ADGRL2: variants seen among roughly 807,000 people sequenced by gnomAD.
ADGRL2 encodes the protein calcium-independent alpha-latrotoxin receptor 2.
A neutral mutation model predicts 157.4 loss-of-function variants in ADGRL2; 44 were observed. The ratio of observed to expected loss-of-function variants is 0.28; its 90% CI spans 0.22 to 0.36. ADGRL2 has a LOEUF of 0.36. Ranked by LOEUF, ADGRL2 falls within the 10% of genes least tolerant of loss-of-function variation. ADGRL2 has a pLI of 1.00. For missense variants in ADGRL2, 1,510 were observed against 1,768.9 expected (o/e 0.85, Z 2.63); for synonymous variants, 585 against 624.7 (o/e 0.94, Z 0.95).
At chr1:81,601,431 A>G (rs2081332028) in intron 3 of ADGRL2, among the ~76,000 whole-genome samples, 1 of 152,178 alleles carries the variant, frequency 6.6e-6, no homozygotes. Context: ...GATCTTATCA[A>G]TTTGGTGTAT....
chr1:81,768,665 G>T (rs545483097), intron 2 of ADGRL2, among the ~76,000 whole-genome samples: 1 of 151,946 alleles, frequency 6.6e-6, no homozygotes, highest in Non-Finnish European at 1.5e-5. Context: ...TGTAGACAGG[G>T]TCTCACTATG....
At chr1:81,333,505 C>T (rs1305870681) in intron 1 of ADGRL2, among the ~76,000 whole-genome samples, 3 of 152,100 alleles carry the variant, frequency 2.0e-5, no homozygotes, top group Non-Finnish European at 4.4e-5. Flanking sequence ...AACCTCTGCC[C>T]TCCAAGTTCA....
intron 11 of ADGRL2, among the ~76,000 whole-genome samples, chr1:81,960,557 C>T (rs1488524037): frequency 6.6e-6 from 1 of 151,504 alleles, no homozygotes; most frequent in African/African-American, 2.4e-5. Context: ...TCACTGCAAC[C>T]TTCGCTTCCT....
At chr1:81,683,651 C>T (rs1238626602) in intron 3 of ADGRL2, among the ~76,000 whole-genome samples, 1 of 147,518 alleles carries the variant, frequency 6.8e-6, no homozygotes, top group African/African-American at 2.4e-5. Context: ...CGTAGTATTC[C>T]ATTATGTGTG....
chr1:81,478,654 T>C (rs2078321936), intron 2 of ADGRL2, among the ~76,000 whole-genome samples: 1 of 152,168 alleles, frequency 6.6e-6, no homozygotes, highest in Non-Finnish European at 1.5e-5. Flanking sequence ...CAATTTGTAG[T>C]CGTCTTATTA....
chr1:81,371,470 C>A (rs1452576817), intron 1 of ADGRL2, among the ~76,000 whole-genome samples: 1 of 152,184 alleles, frequency 6.6e-6, no homozygotes, highest in African/African-American at 2.4e-5. Flanking sequence ...AAAAATCTTA[C>A]ACGTTTCTAT....
At chr1:81,826,127 C>CT (rs2091461636) in intron 1 of ADGRL2, among the ~76,000 whole-genome samples, 2 of 152,082 alleles carry the variant, frequency 1.3e-5, no homozygotes, top group Admixed American at 6.6e-5. Flanking sequence ...CTATTGGAGA[C>CT]TAGGCTAATT....
intron 1 of ADGRL2, among the ~76,000 whole-genome samples, chr1:81,418,316 A>T (rs1257214389): frequency 6.6e-6 from 1 of 152,238 alleles, no homozygotes; most frequent in Admixed American, 6.5e-5. Context: ...ATTATAATAA[A>T]ATTTTGTGGC....
intron 1 of ADGRL2, among the ~76,000 whole-genome samples, chr1:81,386,312 G>A (rs1474207596): frequency 6.6e-6 from 1 of 152,054 alleles, no homozygotes; most frequent in Non-Finnish European, 1.5e-5. Flanking sequence ...TGGTTTTAAA[G>A]GTGACCAGCA....
chr1:81,392,366 C>T (rs192030053), intron 1 of ADGRL2, among the ~76,000 whole-genome samples: 86 of 152,146 alleles, frequency 5.7e-4, no homozygotes, highest in Admixed American at 5.0e-3. Context: ...ACCTGCCTTC[C>T]GGTGTAACTT....
intron 3 of ADGRL2, among the ~76,000 whole-genome samples, chr1:81,632,653 G>A (rs2082034123): frequency 6.6e-6 from 1 of 152,096 alleles, no homozygotes; most frequent in Non-Finnish European, 1.5e-5. Context: ...CAACTACTCG[G>A]GAGGCTGAGG....
At chr1:81,385,615 G>C (rs186116717) in intron 1 of ADGRL2, among the ~76,000 whole-genome samples, 239 of 151,246 alleles carry the variant, frequency 1.6e-3, no homozygotes, top group African/African-American at 5.5e-3. Flanking sequence ...AAAAATCCTA[G>C]ATAATATTTA....
chr1:81,740,349 T>C (rs1479768988), intron 1 of ADGRL2, among the ~76,000 whole-genome samples: 1 of 152,242 alleles, frequency 6.6e-6, no homozygotes, highest in Non-Finnish European at 1.5e-5. Flanking sequence ...GTTTCTGGCA[T>C]CCTTGAATAT....
chr1:81,343,964 T>A lies in ADGRL2; in HGVS notation c.-302+37455T>A, dbSNP rs138315860. Among the ~76,000 whole-genome samples, 819 of 152,292 alleles carry A rather than the reference T, an allele frequency of 5.4e-3. 8 individuals are homozygous for A. The highest frequency in any genetic ancestry group is 0.018 in the African/African-American group (768 of 41,546). On this transcript the variant is annotated intron_variant, in intron 1 of 24. Transcript: ENST00000370721. The stretch of plus-strand genomic sequence containing the variant: ...TAACAGCTAAGGTGGCAAATAATTA[T>A]GTGGTAGTTTAAGGGAGTAAAACAC...
intron 2 of ADGRL2, among the ~76,000 whole-genome samples, chr1:81,874,785 A>C (rs541433779): frequency 2.2e-4 from 34 of 151,732 alleles, no homozygotes; most frequent in African/African-American, 7.3e-4. Context: ...AGCTTACTGC[A>C]ACCTCTGCCT....
chr1:81,352,842 TAG>T (rs1480549048), intron 1 of ADGRL2, among the ~76,000 whole-genome samples: 1 of 152,064 alleles, frequency 6.6e-6, no homozygotes, highest in Non-Finnish European at 1.5e-5. Flanking sequence ...GTTTGAGTAG[TAG>T]AGTCAGTTAA....
At chr1:81,649,046 AC>A (rs971083385) in intron 3 of ADGRL2, among the ~76,000 whole-genome samples, 23 of 152,242 alleles carry the variant, frequency 1.5e-4, no homozygotes, top group African/African-American at 5.5e-4. Flanking sequence ...ATTTTTATTG[AC>A]ACCAGGCAGT....
intron 1 of ADGRL2, among the ~76,000 whole-genome samples, chr1:81,348,152 C>T (rs1436533903): frequency 6.6e-6 from 1 of 152,146 alleles, no homozygotes; most frequent in Non-Finnish European, 1.5e-5. Context: ...GTTGACACCC[C>T]ATAAGCCTGG....
At chr1:81,980,708 G>A in intron 18 of ADGRL2, 1 of 549,182 alleles carries the variant, frequency 1.8e-6, no homozygotes, top group South Asian at 3.0e-5. Context: ...CAGCTTCATT[G>A]CATGTTGCAT....
Sources: allele counts gnomAD v4.1 joint callset (sites outside exome capture counted in the v4.1 genomes callset), GRCh38; gene constraint gnomAD v4.1.1; transcripts MANE v1.5; gene names NCBI Gene and HGNC (gene_info 2026-07-23, HGNC 2026-07-21).